Variants in MAF observed in about 807,000 individuals in gnomAD.
MAF encodes the protein transcription factor Maf.
MAF carries 10 observed loss-of-function variants against 22.0 expected under a neutral mutation model. That is an observed-to-expected ratio of 0.45 (90% confidence interval 0.28 to 0.77). MAF has a LOEUF of 0.77. Ranked by LOEUF, MAF falls within the 30% of genes least tolerant of loss-of-function variation. The pLI is 0.12. For missense variants in MAF, 544 were observed against 548.4 expected (o/e 0.99, Z 0.08); for synonymous variants, 337 against 255.8 (o/e 1.32, Z -3.03).
chr16:79,453,526 T>C, the MAF span, among the ~76,000 whole-genome samples: 557 of 152,318 alleles, frequency 3.7e-3, 3 homozygotes, highest in African/African-American at 0.013. Flanking sequence ...ACACTACTAT[T>C]GGCAATCACC....
At chr16:79,342,957 G>A in the MAF span, among the ~76,000 whole-genome samples, 14 of 152,198 alleles carry the variant, frequency 9.2e-5, no homozygotes, top group Middle Eastern at 6.8e-3. Flanking sequence ...AGGAAGATGT[G>A]CAAATCTTCT....
the MAF span, among the ~76,000 whole-genome samples, chr16:79,529,658 C>A: frequency 6.6e-6 from 1 of 152,106 alleles, no homozygotes; most frequent in Non-Finnish European, 1.5e-5. Context: ...GGATACAAAG[C>A]ATGCAATAAA....
At chr16:79,370,440 C>T in the MAF span, among the ~76,000 whole-genome samples, 1 of 152,314 alleles carries the variant, frequency 6.6e-6, no homozygotes, top group East Asian at 1.9e-4. Context: ...TAGATCTCAG[C>T]CTTCCCACAG....
At chr16:79,263,055 C>T in the MAF span, among the ~76,000 whole-genome samples, 1 of 152,180 alleles carries the variant, frequency 6.6e-6, no homozygotes, top group African/African-American at 2.4e-5. Context: ...CATATTGACA[C>T]AGTGTGGCCC....
the MAF span, among the ~76,000 whole-genome samples, chr16:79,578,561 C>T: frequency 6.6e-6 from 1 of 151,842 alleles, no homozygotes; most frequent in Non-Finnish European, 1.5e-5. Context: ...TTGAAAAAAA[C>T]AGACATGGAA....
the MAF span, among the ~76,000 whole-genome samples, chr16:79,222,916 A>G: frequency 6.6e-6 from 1 of 152,216 alleles, no homozygotes; most frequent in East Asian, 1.9e-4. Context: ...ACACAGTAAT[A>G]GTGGGAGACT....
At chr16:79,350,646 G>A in the MAF span, among the ~76,000 whole-genome samples, 3 of 152,166 alleles carry the variant, frequency 2.0e-5, no homozygotes, top group African/African-American at 7.2e-5. Flanking sequence ...GTGGGCTGGA[G>A]AGGGTTCCCA....
chr16:79,241,694 G>C, the MAF span, among the ~76,000 whole-genome samples: 456 of 151,850 alleles, frequency 3.0e-3, 11 homozygotes, highest in Admixed American at 0.023. Context: ...TACGGACAAC[G>C]CCACAGAGAT....
the MAF span, among the ~76,000 whole-genome samples, chr16:79,442,979 G>A: frequency 2.0e-5 from 3 of 152,336 alleles, no homozygotes; most frequent in South Asian, 6.2e-4. Context: ...TGAAAGGTTA[G>A]TGTGTATGTC....
chr16:79,395,377 G>T, the MAF span, among the ~76,000 whole-genome samples: 1 of 152,174 alleles, frequency 6.6e-6, no homozygotes, highest in Non-Finnish European at 1.5e-5. Flanking sequence ...GTTGAATAGG[G>T]TTTTCTCCAG....
the MAF span, among the ~76,000 whole-genome samples, chr16:79,502,696 A>AATATAAATATAAATATATATAT: frequency 5.2e-5 from 1 of 19,246 alleles, no homozygotes; most frequent in African/African-American, 1.8e-4. Flanking sequence ...TATAAATATA[A>AATATAAATATAAATATATATAT]ATATAAATAT....
chr16:79,374,914 G>T, the MAF span, among the ~76,000 whole-genome samples: 2 of 152,188 alleles, frequency 1.3e-5, no homozygotes, highest in Non-Finnish European at 2.9e-5. Context: ...ATAGGATCAC[G>T]CTCTAAAGGG....
the MAF span, among the ~76,000 whole-genome samples, chr16:79,234,357 C>T: frequency 2.0e-5 from 3 of 152,222 alleles, no homozygotes; most frequent in South Asian, 6.2e-4. Flanking sequence ...TGATAATACA[C>T]ACGATGATAG....
At chr16:79,266,396 G>T in the MAF span, among the ~76,000 whole-genome samples, 2 of 152,192 alleles carry the variant, frequency 1.3e-5, no homozygotes, top group African/African-American at 4.8e-5. Context: ...GCCTTTAATA[G>T]AGGGGTTCTG....
the MAF span, chr16:79,206,445 C>G: frequency 6.6e-6 from 1 of 152,178 alleles, no homozygotes; most frequent in African/African-American, 2.4e-5. Context: ...ATCAGGTAGG[C>G]TTCTCTCTAA....
At chr16:79,213,906 CTCTTA>C in the MAF span, among the ~76,000 whole-genome samples, 24 of 152,188 alleles carry the variant, frequency 1.6e-4, no homozygotes, top group Non-Finnish European at 1.8e-4. Flanking sequence ...TACCCTACTT[CTCTTA>C]TAATTTGGTC....
chr16:79,560,381 A>G, the MAF span, among the ~76,000 whole-genome samples: 9 of 152,052 alleles, frequency 5.9e-5, no homozygotes, highest in Admixed American at 2.0e-4. Flanking sequence ...AACAAATACA[A>G]TGTTGAAAAG....
chr16:79,233,244 C>G, the MAF span, among the ~76,000 whole-genome samples: 1 of 151,990 alleles, frequency 6.6e-6, no homozygotes. Flanking sequence ...GTCATTTACT[C>G]ACTCAACAAA....
At chr16:79,417,588 G>C in the MAF span, among the ~76,000 whole-genome samples, 4 of 152,116 alleles carry the variant, frequency 2.6e-5, no homozygotes, top group African/African-American at 9.7e-5. Flanking sequence ...AGGAGGGAGG[G>C]CTGGGGCGAG....
Sources: allele counts gnomAD v4.1 joint callset (sites outside exome capture counted in the v4.1 genomes callset), GRCh38; gene constraint gnomAD v4.1.1; transcripts MANE v1.5; gene names NCBI Gene and HGNC (gene_info 2026-07-23, HGNC 2026-07-21).